Variants in SAMD12 observed in about 807,000 individuals in gnomAD.
SAMD12 encodes sterile alpha motif domain containing 12.
SAMD12 carries 9 observed loss-of-function variants against 15.0 expected under a neutral mutation model. The ratio of observed to expected loss-of-function variants is 0.60; its 90% CI spans 0.36 to 1.05. The LOEUF (loss-of-function observed/expected upper bound fraction) is 1.05. Among genes scored for constraint, SAMD12 ranks in the 50% least tolerant of loss-of-function variants. The probability of loss-of-function intolerance (pLI) is 0.01; values close to 1 mark genes in which losing one functional copy is unlikely to be tolerated. For synonymous variants in SAMD12, 86 were observed against 90.1 expected (o/e 0.96, Z 0.25); for missense variants, 230 against 234.2 (o/e 0.98, Z 0.12).
chr8:118,535,823 C>A (rs1825822976), intron 2 of SAMD12, among the ~76,000 whole-genome samples: 1 of 152,284 alleles, frequency 6.6e-6, no homozygotes, highest in Non-Finnish European at 1.5e-5. Flanking sequence ...TTGGAGTGAC[C>A]CGATTTTCCA....
intron 2 of SAMD12, among the ~76,000 whole-genome samples, chr8:118,562,934 G>A (rs1043515319): frequency 1.3e-5 from 2 of 152,106 alleles, no homozygotes; most frequent in Admixed American, 6.6e-5. Context: ...TGCCAAGGAG[G>A]GGAATGATAG....
Position 118,379,654 on chromosome 8 carries a change from C to T in SAMD12, c.369G>A (p.Gly123=). The T allele has an allele frequency of 6.2e-7, 1 of 1,613,834 alleles. No individual in the cohort carries two copies. The highest frequency in any genetic ancestry group is 1.1e-5 in the South Asian group (1 of 91,076). Residue 123 remains glycine (G), a synonymous_variant, in exon 4 of 4, where the codon GGG becomes GGA. Transcript: ENST00000314727. ...RLTDKKLERM[G]IAQENLRQHI... ...GCTGCCGGAGGTTCTCCTGGGCAAT[C>T]CCCATTCGCTCGAGCTTTTTGTCAG...
intron 4 of SAMD12, among the ~76,000 whole-genome samples, chr8:118,270,450 T>C (rs1364606852): frequency 6.6e-6 from 1 of 152,202 alleles, no homozygotes; most frequent in Non-Finnish European, 1.5e-5. Flanking sequence ...ACCAGCAATA[T>C]CATTACCATC....
At chr8:118,427,690 G>A (rs1428368407) in intron 3 of SAMD12, among the ~76,000 whole-genome samples, 1 of 152,152 alleles carries the variant, frequency 6.6e-6, no homozygotes, top group Non-Finnish European at 1.5e-5. Context: ...CGTCTTGACT[G>A]ATATAAGGGT....
chr8:118,357,662 A>G lies in SAMD12; in HGVS notation c.433+21898T>C, dbSNP rs540653565. Among the ~76,000 whole-genome samples the G allele has an allele frequency of 7.9e-5, 12 of 152,328 alleles. No individual in the cohort carries two copies. The South Asian group carries it at 2.5e-3, about 32-fold the overall frequency. On this transcript the variant is annotated intron_variant, in intron 4 of 4. Coordinates refer to the SAMD12 transcript ENST00000409003. Reference sequence around the variant, plus strand: ...ATCACATTGTACCCCCAAAATAAATATTGTTGTCAAAAATAAAGAAACTGA... The same window carrying G: ...ATCACATTGTACCCCCAAAATAAATGTTGTTGTCAAAAATAAAGAAACTGA...
the SAMD12 span, among the ~76,000 whole-genome samples, chr8:118,179,389 AT>A: frequency 2.6e-5 from 4 of 151,560 alleles, no homozygotes; most frequent in African/African-American, 9.7e-5. Flanking sequence ...GTGAGCCGAA[AT>A]CACAGCATTG....
intron 2 of SAMD12, among the ~76,000 whole-genome samples, chr8:118,496,118 T>A (rs1181380858): frequency 6.6e-6 from 1 of 152,154 alleles, no homozygotes; most frequent in Non-Finnish European, 1.5e-5. Context: ...AATCTATATA[T>A]TAAAATGGCC....
At chr8:118,260,230 C>T (rs1278091480) in intron 4 of SAMD12, among the ~76,000 whole-genome samples, 1 of 152,008 alleles carries the variant, frequency 6.6e-6, no homozygotes, top group East Asian at 1.9e-4. Context: ...TCTAAATAAG[C>T]TTTATATATT....
At chr8:118,532,629 C>G (rs916532789) in intron 2 of SAMD12, among the ~76,000 whole-genome samples, 1 of 152,128 alleles carries the variant, frequency 6.6e-6, no homozygotes, top group African/African-American at 2.4e-5. Flanking sequence ...TGTTATTGGT[C>G]TATTCAGAGA....
At chr8:118,459,089 C>T (rs1296573759) in intron 2 of SAMD12, among the ~76,000 whole-genome samples, 8 of 150,708 alleles carry the variant, frequency 5.3e-5, no homozygotes, top group African/African-American at 1.5e-4. Context: ...TTTTGGAGAA[C>T]GAGTCTCACT....
chr8:118,610,178 C>T lies in SAMD12; in HGVS notation c.13+11626G>A, dbSNP rs573597705. Among the ~76,000 whole-genome samples the T allele has an allele frequency of 4.6e-5, 7 of 152,204 alleles. No individual in the cohort carries two copies. In the South Asian group the frequency reaches 1.5e-3, roughly 32 times the overall value. On this transcript the variant is annotated intron_variant, in intron 1 of 3. Transcript: ENST00000314727. ...ACAAAAACCCAAAGACCTAGGGCTC[C>T]ATAAAAAGAGAATGCAAAAGTGTAG...
the SAMD12 span, among the ~76,000 whole-genome samples, chr8:118,134,102 CT>C: frequency 6.6e-6 from 1 of 152,204 alleles, no homozygotes; most frequent in Non-Finnish European, 1.5e-5. Flanking sequence ...TGGTTTTATG[CT>C]TGCCTACTTT....
chr8:118,353,892 C>T (rs1217688811), intron 4 of SAMD12, among the ~76,000 whole-genome samples: 1 of 152,100 alleles, frequency 6.6e-6, no homozygotes, highest in African/African-American at 2.4e-5. Context: ...ATCCTTTCCT[C>T]TCCCCACCCC....
intron 4 of SAMD12, among the ~76,000 whole-genome samples, chr8:118,313,040 G>A (rs1815707984): frequency 1.3e-5 from 2 of 152,176 alleles, no homozygotes; most frequent in South Asian, 2.1e-4. Context: ...ACAAAGAGGA[G>A]ATTATATTAC....
rs955063775 is a variant in SAMD12 at position 118,598,741 on chromosome 8, C to G, written c.14-17848G>C. 8.5e-5 allele frequency among the ~76,000 whole-genome samples: 13 copies of G among 152,266 alleles called. No homozygotes were observed. In the East Asian group the frequency reaches 2.1e-3, roughly 25 times the overall value. ...AAGCTCAAAGAGATTAAGTTATTTA[C>G]CCAAAGTCACTGAACAAGTCAATGA... is the stretch of plus-strand genomic sequence containing the variant. On this transcript the variant is annotated intron_variant, in intron 1 of 3. Transcript: ENST00000314727.
At chr8:118,227,771 A>C (rs1389576386) in intron 4 of SAMD12, among the ~76,000 whole-genome samples, 1 of 152,192 alleles carries the variant, frequency 6.6e-6, no homozygotes, top group Non-Finnish European at 1.5e-5. Flanking sequence ...GCAGATCTCA[A>C]CCTTAAGAGA....
At chr8:118,400,163 T>G (rs1325758935) in intron 3 of SAMD12, 1 of 152,200 alleles carries the variant, frequency 6.6e-6, no homozygotes, top group Non-Finnish European at 1.5e-5. Flanking sequence ...CATTTATGTG[T>G]AAACTGTTTT....
At chr8:118,149,010 T>G in the SAMD12 span, among the ~76,000 whole-genome samples, 2 of 152,252 alleles carry the variant, frequency 1.3e-5, no homozygotes, top group African/African-American at 4.8e-5. Flanking sequence ...CAAATCTTTG[T>G]GTGGACATAC....
chr8:118,505,528 C>T (rs1824898298), intron 2 of SAMD12, among the ~76,000 whole-genome samples: 1 of 151,906 alleles, frequency 6.6e-6, no homozygotes, highest in South Asian at 2.1e-4. Flanking sequence ...TGGGTCTCAC[C>T]CCTCTCTTCT....
Sources: gnomAD v4.1 joint callset for allele counts (sites outside exome capture counted in the v4.1 genomes callset) on GRCh38, gnomAD v4.1.1 for gene constraint, MANE v1.5 for transcripts, NCBI Gene and HGNC (gene_info 2026-07-23, HGNC 2026-07-21) for gene names.